INTS6L: variants seen among roughly 807,000 people sequenced by gnomAD.
INTS6L encodes integrator complex subunit 6 like.
In INTS6L, 18 loss-of-function variants were observed where a neutral mutation model predicts 64.7. That is an observed-to-expected ratio of 0.28 (90% CI 0.19 to 0.41). INTS6L has a LOEUF of 0.41. Ranked by LOEUF, INTS6L falls within the 10% of genes least tolerant of loss-of-function variation. The pLI is 1.00. For synonymous variants in INTS6L, 227 were observed against 235.9 expected, an observed-to-expected ratio of 0.96 and a Z score of 0.34; for missense variants, 533 against 661.0, an observed-to-expected ratio of 0.81 and a Z score of 2.12.
chrX:135,520,687 C>G lies in INTS6L; in HGVS notation c.-306C>G. 3.3e-6 allele frequency: 1 copy of G among 306,466 alleles called. No homozygotes were observed. The highest frequency in any genetic ancestry group is 5.8e-6 in the Non-Finnish European group (1 of 173,234). The allele number at this position is 306,466 out of a possible 1,213,427, so 25.3% of individuals were successfully genotyped here. A position where few individuals can be genotyped will look rare whatever the true frequency, so the allele number is the denominator to read the frequency against. On this transcript the variant is annotated 5_prime_UTR_variant, in exon 1 of 18. Transcript: ENST00000639893. ...TCTGGGGCGAGCGCTCTAGTGAGCG[C>G]GGACGGATGCTTAGGCAGTAGTCCT...
chrX:135,564,948 C>T (rs1292700278), intron 9 of INTS6L, among the ~76,000 whole-genome samples: 2 of 111,283 alleles, frequency 1.8e-5, no homozygotes, highest in Non-Finnish European at 3.8e-5. Flanking sequence ...CCTTCATTGA[C>T]ACCAAAAGGG....
At chrX:135,563,173 A>G (rs1328357242) in intron 9 of INTS6L, among the ~76,000 whole-genome samples, 1 of 111,283 alleles carries the variant, frequency 9.0e-6, no homozygotes. Flanking sequence ...TCCAGGTGTT[A>G]TTATACACAA....
chrX:135,560,842 T>C (rs1197823781), intron 9 of INTS6L, among the ~76,000 whole-genome samples: 2 of 109,460 alleles, frequency 1.8e-5, no homozygotes, highest in Non-Finnish European at 3.8e-5. Flanking sequence ...AAACTCCATC[T>C]CAAAAATAAA....
intron 2 of INTS6L, among the ~76,000 whole-genome samples, chrX:135,538,545 G>C (rs782514064): frequency 1.8e-5 from 2 of 110,915 alleles, no homozygotes; most frequent in Non-Finnish European, 3.8e-5. Flanking sequence ...TGCTAATGTT[G>C]GTATTTTGAC....
intron 2 of INTS6L, among the ~76,000 whole-genome samples, chrX:135,523,445 AT>A (rs2085650234): frequency 9.4e-6 from 1 of 105,925 alleles, no homozygotes; most frequent in Non-Finnish European, 1.9e-5. Context: ...CCTATTTATC[AT>A]TTTTCCATAT....
chrX:135,546,953 CAT>C, intron 5 of INTS6L, 68 bp downstream of exon 5: 1 of 1,142,313 alleles, frequency 8.8e-7, no homozygotes, highest in Non-Finnish European at 1.2e-6. Flanking sequence ...CATTAAATGC[CAT>C]ATCCAGTCTT....
chrX:135,554,605 T>C (rs1402025841), intron 8 of INTS6L, among the ~76,000 whole-genome samples: 1 of 111,564 alleles, frequency 9.0e-6, no homozygotes. Flanking sequence ...TTCTGTTAAA[T>C]GTCAAGGTTC....
At chrX:135,576,537 A>G (rs2087232517) in intron 14 of INTS6L, among the ~76,000 whole-genome samples, 1 of 111,155 alleles carries the variant, frequency 9.0e-6, no homozygotes, top group African/African-American at 3.3e-5. Flanking sequence ...ATATTCTTGG[A>G]TTATTCCTGG....
chrX:135,556,842 C>T (rs1395703181), intron 9 of INTS6L, among the ~76,000 whole-genome samples: 1 of 111,907 alleles, frequency 8.9e-6, no homozygotes, highest in Non-Finnish European at 1.9e-5. Flanking sequence ...GAGATATTTT[C>T]CCCTTATTGG....
At chrX:135,570,685 C>T in intron 11 of INTS6L, 139 bp downstream of exon 11, 1 of 697,432 alleles carries the variant, frequency 1.4e-6, no homozygotes, top group Non-Finnish European at 2.0e-6. Context: ...ATGTGATTCT[C>T]TATGGCTTCT....
intron 2 of INTS6L, among the ~76,000 whole-genome samples, chrX:135,532,927 A>G (rs1307079890): frequency 9.0e-6 from 1 of 110,572 alleles, no homozygotes; most frequent in African/African-American, 3.3e-5. Context: ...TTAAAAAAAA[A>G]TTAGCCTGGC....
chrX:135,570,784 G>A (rs1432818114), intron 11 of INTS6L: 8 of 329,360 alleles, frequency 2.4e-5, no homozygotes, highest in East Asian at 2.2e-4. Context: ...TGTCCTACCC[G>A]CAAGCTGGTT....
chrX:135,537,472 A>C (rs1366168490), intron 2 of INTS6L, among the ~76,000 whole-genome samples: 1 of 112,008 alleles, frequency 8.9e-6, no homozygotes, highest in East Asian at 2.8e-4. Flanking sequence ...ATTATAGGAT[A>C]TAAAAACTGC....
chrX:135,558,863 G>A (rs1042616776), intron 9 of INTS6L, among the ~76,000 whole-genome samples: 1 of 102,065 alleles, frequency 9.8e-6, no homozygotes, highest in Non-Finnish European at 2.0e-5. Flanking sequence ...TTGGCTCACC[G>A]CAACCTCCAC....
Position 135,547,168 on chromosome X carries a change from G to A in INTS6L, c.645G>A (p.Met215Ile). The change falls in exon 6 of 18, where the codon ATG (methionine) becomes ATA (isoleucine). Residue 215 changes from methionine to isoleucine, a missense_variant. By Grantham distance (10) the Met-to-Ile change is conservative (BLOSUM62 1). Transcript: ENST00000639893. The part of the protein sequence containing the change: ...GRSYCVRTQR[M>I]LNQCLESLVQ... Reference sequence around the variant, plus strand: ...CCTACTGTGTGAGAACACAAAGAATGTTGAATCAATGTTTAGAATCTCTAG... The same window carrying A: ...CCTACTGTGTGAGAACACAAAGAATATTGAATCAATGTTTAGAATCTCTAG... 3 of 1,210,310 alleles carry A rather than the reference G, an allele frequency of 2.5e-6. No homozygotes were observed. Among genetic ancestry groups the A allele is most frequent in the South Asian group, 3.5e-5 (2 of 56,747 alleles).
At chrX:135,541,913 T>C (rs1445851975) in intron 2 of INTS6L, among the ~76,000 whole-genome samples, 1 of 112,434 alleles carries the variant, frequency 8.9e-6, no homozygotes, top group Non-Finnish European at 1.9e-5. Context: ...TTTATAATTA[T>C]CTTTTTGGTA....
At position 135,573,981 on chromosome X, in the gene INTS6L, C is replaced by T. The variant is rs374753891; in HGVS notation, c.1660C>T (p.Arg554Cys). ...ATACAGAAATGCTTATGATATTCCC[C>T]GTAGAGGTCTTTTAGACCAGCTGAC... is the stretch of plus-strand genomic sequence containing the variant. ...QTYRNAYDIP[R>C]RGLLDQLTRM... The change falls in exon 13 of 18, where the codon CGT (arginine) becomes TGT (cysteine). Residue 554 changes from arginine (R) to cysteine (C), a missense_variant. Arg to Cys is a radical substitution (Grantham distance 180). Transcript: ENST00000639893. The T allele has an allele frequency of 7.5e-6, 9 of 1,202,367 alleles. No homozygotes were observed. The South Asian group carries it at 1.1e-4, about 15-fold the overall frequency.
chrX:135,559,736 T>C (rs1391393771), intron 9 of INTS6L, among the ~76,000 whole-genome samples: 2 of 112,697 alleles, frequency 1.8e-5, no homozygotes, highest in East Asian at 2.8e-4. Context: ...AGAGTAGCTA[T>C]ACTATTTTAC....
At chrX:135,571,723 A>T (rs1249816435) in intron 11 of INTS6L, 1 of 111,151 alleles carries the variant, frequency 9.0e-6, no homozygotes, top group African/African-American at 3.3e-5. Flanking sequence ...TGATCTATCG[A>T]TTTTTTTTAA....
Sources: allele counts gnomAD v4.1 joint callset (sites outside exome capture counted in the v4.1 genomes callset), GRCh38; gene constraint gnomAD v4.1.1; transcripts MANE v1.5; gene names NCBI Gene and HGNC (gene_info 2026-07-23, HGNC 2026-07-21).